Variants in MMP26 observed in about 807,000 individuals in gnomAD.
MMP26 encodes matrix metallopeptidase 26, also known as matrix metalloproteinase-26.
In MMP26, 33 loss-of-function variants were observed where a neutral mutation model predicts 31.0. The observed-to-expected ratio is 1.06, with a 90% CI of 0.81 to 1.42. MMP26 has a LOEUF of 1.42. MMP26 is among the 40% of genes most tolerant of loss of function. MMP26 has a pLI of 0.00. For missense variants in MMP26, 347 were observed against 316.1 expected (o/e 1.10, Z -0.74); for synonymous variants, 122 against 114.9 (o/e 1.06, Z -0.40).
intron 1 of MMP26, among the ~76,000 whole-genome samples, chr11:4,744,875 T>A (rs1467890334): frequency 1.3e-5 from 2 of 152,178 alleles, no homozygotes; most frequent in Non-Finnish European, 2.9e-5. Context: ...AACCTATCTA[T>A]GACCTTCCAT....
At chr11:4,977,296 T>C in intron 2 of MMP26, among the ~76,000 whole-genome samples, 1 of 152,072 alleles carries the variant, frequency 6.6e-6, no homozygotes, top group South Asian at 2.1e-4. Flanking sequence ...GAAAGAGAAA[T>C]TAAATTCCAT....
rs996946436 is a variant in MMP26 at position 4,946,090 on chromosome 11, T to C, written c.-144-41978T>C. The C allele has an allele frequency of 1.5e-5, 21 of 1,368,300 alleles. No homozygotes were observed. The African/African-American group carries it at 2.7e-4, about 18-fold the overall frequency. 84.8% of individuals were successfully genotyped at this position (1,368,300 alleles called of 1,614,324 possible). On this transcript the variant is annotated intron_variant, in intron 2 of 7. Transcript: ENST00000380390. ...TGTGTTGATAATTCTTGGTGTCAAA[T>C]ATTAGGTTTCTCAAATTTACCTTAA... is the stretch of plus-strand genomic sequence containing the variant.
intron 1 of MMP26, among the ~76,000 whole-genome samples, chr11:4,714,256 C>G (rs1300837014): frequency 2.6e-5 from 4 of 152,176 alleles, no homozygotes; most frequent in Non-Finnish European, 4.4e-5. Flanking sequence ...TTGTGGAAAT[C>G]TATTTTCTGA....
At chr11:4,894,674 A>T (rs1006435675) in intron 2 of MMP26, among the ~76,000 whole-genome samples, 25 of 152,170 alleles carry the variant, frequency 1.6e-4, no homozygotes, top group African/African-American at 6.0e-4. Context: ...CAACTCTGAA[A>T]CAGCAAGGGC....
chr11:4,838,464 T>C (rs1192719616), intron 2 of MMP26, among the ~76,000 whole-genome samples: 6 of 151,430 alleles, frequency 4.0e-5, no homozygotes, highest in Non-Finnish European at 8.8e-5. Flanking sequence ...TGGAGATCAG[T>C]CTTTCAGAAG....
At chr11:4,809,422 T>G (rs1865282) in intron 2 of MMP26, among the ~76,000 whole-genome samples, 25,670 of 152,212 alleles carry the variant, frequency 0.17, 2,349 homozygotes, top group Middle Eastern at 0.23. Flanking sequence ...AGACTGGGTT[T>G]GATTCCAACT....
At chr11:4,769,407 A>G in intron 2 of MMP26, 1 of 1,614,040 alleles carries the variant, frequency 6.2e-7, no homozygotes, top group South Asian at 1.1e-5. Context: ...TTCATTCTAC[A>G]GAAATAGAGA....
At chr11:4,806,547 C>T (rs1849272986) in intron 2 of MMP26, among the ~76,000 whole-genome samples, 1 of 152,080 alleles carries the variant, frequency 6.6e-6, no homozygotes, top group Non-Finnish European at 1.5e-5. Context: ...ATTGCAATCT[C>T]TGCCTTTTTT....
chr11:4,850,187 T>C (rs548265994), intron 2 of MMP26, among the ~76,000 whole-genome samples: 5 of 152,332 alleles, frequency 3.3e-5, no homozygotes, highest in Non-Finnish European at 5.9e-5. Flanking sequence ...AACTCGAGTC[T>C]ACAAACAGAT....
At chr11:4,889,405 T>TG (rs1284195071) in intron 2 of MMP26, among the ~76,000 whole-genome samples, 351 of 152,348 alleles carry the variant, frequency 2.3e-3, no homozygotes, top group African/African-American at 8.0e-3. Context: ...ACATGTTCAG[T>TG]ACAGATGCAA....
intron 2 of MMP26, among the ~76,000 whole-genome samples, chr11:4,826,498 G>A (rs1466166308): frequency 1.3e-5 from 2 of 152,082 alleles, no homozygotes; most frequent in Non-Finnish European, 2.9e-5. Flanking sequence ...GTGGAGAGCT[G>A]GAGAACAAGC....
At chr11:4,860,195 T>A (rs1850128571) in intron 2 of MMP26, 1 of 470,968 alleles carries the variant, frequency 2.1e-6, no homozygotes, top group African/African-American at 2.0e-5. Context: ...GCCACAAATC[T>A]GTCAAAGGCC....
intron 1 of MMP26, among the ~76,000 whole-genome samples, chr11:4,732,345 A>G (rs1035055178): frequency 1.5e-4 from 23 of 152,148 alleles, no homozygotes; most frequent in African/African-American, 5.1e-4. Flanking sequence ...TTTATAGGCT[A>G]GGAATTAAAG....
intron 2 of MMP26, among the ~76,000 whole-genome samples, chr11:4,928,962 C>T (rs1851309647): frequency 6.6e-6 from 1 of 152,008 alleles, no homozygotes; most frequent in African/African-American, 2.4e-5. Context: ...TTTCCAGGTC[C>T]AATTGTTGGT....
intron 1 of MMP26, among the ~76,000 whole-genome samples, chr11:4,715,137 A>G (rs1057468677): frequency 3.3e-5 from 5 of 152,152 alleles, no homozygotes; most frequent in Admixed American, 6.5e-5. Flanking sequence ...CAACATGTAT[A>G]TATTGTATGC....
At position 4,804,243 on chromosome 11, in the gene MMP26, G is replaced by C. The variant is rs745323132; in HGVS notation, c.-145+36902G>C. 3 of 1,613,874 alleles carry C rather than the reference G, an allele frequency of 1.9e-6. No homozygotes were observed. In the South Asian group the frequency reaches 3.3e-5, roughly 18 times the overall value. ...CAATTCTGATTACATGGAGGAGAGT[G>C]ATATTTCCAACAACAGCCACAGCAT... On this transcript the variant is annotated intron_variant, in intron 2 of 7. Transcript: ENST00000380390.
At position 4,898,829 on chromosome 11, in the gene MMP26, CTCTGTGTGTGTGTGTGTG is replaced by C. The variant is rs1484410489; in HGVS notation, c.-144-89237_-144-89220del. 4.3e-3 allele frequency among the ~76,000 whole-genome samples: 545 copies of C among 125,520 alleles called. 4 individuals are homozygous for C. The Middle Eastern group carries it at 0.047, about 11-fold the overall frequency. 82.3% of individuals were successfully genotyped at this position (125,520 alleles called of 152,430 possible). A position where few individuals can be genotyped will look rare whatever the true frequency, so the allele number is the denominator to read the frequency against. On this transcript the variant is annotated intron_variant, in intron 2 of 7. Coordinates refer to ENST00000380390, the MANE Select transcript of MMP26 (RefSeq NM_021801.5). ...AAGAAATCTCTCTCTCTCTCTCTCT[CTCTGTGTGTGTGTGTGTG>C]TGTGTGTGTGTGTGTGTGTGTGTGT...
intron 2 of MMP26, chr11:4,769,725 G>A (rs1436552233): frequency 2.5e-6 from 4 of 1,613,410 alleles, no homozygotes; most frequent in Non-Finnish European, 3.4e-6. Flanking sequence ...AGCCTGAAGA[G>A]GAAATAATAC....
Position 4,801,984 on chromosome 11 carries a change from T to A in MMP26, c.-145+34643T>A, listed in dbSNP as rs1372777412. On this transcript the variant is annotated intron_variant, in intron 2 of 7. Transcript: ENST00000380390. Reference sequence around the variant, plus strand: ...TAGGCCCCACCTCCAACACTGGGAATCACATTTCAACAGATTTGGAGGGGA... The same window carrying A: ...TAGGCCCCACCTCCAACACTGGGAAACACATTTCAACAGATTTGGAGGGGA... 5.9e-5 allele frequency among the ~76,000 whole-genome samples: 9 copies of A among 152,192 alleles called. No homozygotes were observed. The East Asian group carries it at 1.2e-3, about 20-fold the overall frequency.
Sources: allele counts gnomAD v4.1 joint callset (sites outside exome capture counted in the v4.1 genomes callset), GRCh38; gene constraint gnomAD v4.1.1; transcripts MANE v1.5; gene names NCBI Gene and HGNC (gene_info 2026-07-23, HGNC 2026-07-21).